The following EBF2 variants were observed in gnomAD, a reference collection of about 807,000 sequenced individuals.
The protein encoded by EBF2 is EBF transcription factor 2.
In EBF2, 21 loss-of-function variants were observed where a neutral mutation model predicts 72.8. The observed-to-expected ratio is 0.29, with a 90% confidence interval of 0.20 to 0.42. The LOEUF (loss-of-function observed/expected upper bound fraction) is 0.42. Ranked by LOEUF, EBF2 falls within the 10% of genes least tolerant of loss-of-function variation. EBF2 has a pLI of 1.00. For missense variants in EBF2, 637 were observed against 731.2 expected (o/e 0.87, Z 1.49); for synonymous variants, 299 against 274.2 (o/e 1.09, Z -0.89).
intron 7 of EBF2, 86 bp from the exon 8 acceptor site, chr8:25,889,955 C>T: frequency 8.8e-7 from 1 of 1,139,798 alleles, no homozygotes; most frequent in Non-Finnish European, 1.3e-6. Flanking sequence ...TTCTGTTTTG[C>T]CACACTTCCA....
chr8:25,896,921 G>C (rs1325789890), intron 7 of EBF2, among the ~76,000 whole-genome samples: 1 of 152,142 alleles, frequency 6.6e-6, no homozygotes, highest in Non-Finnish European at 1.5e-5. Flanking sequence ...CCAGATTTAA[G>C]GCCCAGATTC....
intron 5 of EBF2, among the ~76,000 whole-genome samples, chr8:26,038,282 G>A (rs758999561): frequency 4.6e-5 from 7 of 152,162 alleles, no homozygotes; most frequent in Non-Finnish European, 7.3e-5. Context: ...AAACAGCAGA[G>A]CATCTTCCCA....
At chr8:25,932,340 C>T (rs975647091) in intron 6 of EBF2, among the ~76,000 whole-genome samples, 1 of 149,900 alleles carries the variant, frequency 6.7e-6, no homozygotes, top group Non-Finnish European at 1.5e-5. Context: ...TGATGCAATT[C>T]AGCAACTCTC....
intron 7 of EBF2, among the ~76,000 whole-genome samples, chr8:25,895,243 T>C (rs777057418): frequency 2.1e-4 from 32 of 152,330 alleles, no homozygotes; most frequent in Non-Finnish European, 4.0e-4. Flanking sequence ...CAACAACCAA[T>C]TTATTTAGGA....
At chr8:25,906,383 T>C (rs1048934657) in intron 7 of EBF2, among the ~76,000 whole-genome samples, 28 of 152,338 alleles carry the variant, frequency 1.8e-4, no homozygotes, top group African/African-American at 6.7e-4. Context: ...ACATTTTTAT[T>C]TGGAATATTG....
At chr8:25,851,699 T>C (rs375270383) in intron 14 of EBF2, among the ~76,000 whole-genome samples, 2 of 152,144 alleles carry the variant, frequency 1.3e-5, no homozygotes, top group African/African-American at 4.8e-5. Context: ...CCAAGTCACA[T>C]GACTTGACAA....
chr8:25,884,836 A>G (rs541292874), intron 10 of EBF2, among the ~76,000 whole-genome samples: 1 of 152,270 alleles, frequency 6.6e-6, no homozygotes, highest in Admixed American at 6.5e-5. Flanking sequence ...GAATAAATAG[A>G]CCCAAAAATT....
intron 7 of EBF2, among the ~76,000 whole-genome samples, chr8:25,896,738 G>A (rs1802869044): frequency 6.6e-6 from 1 of 152,196 alleles, no homozygotes; most frequent in South Asian, 2.1e-4. Flanking sequence ...ATTGCAAGGA[G>A]AAATACACGT....
At chr8:25,951,083 T>A (rs1034723586) in intron 6 of EBF2, among the ~76,000 whole-genome samples, 1 of 152,216 alleles carries the variant, frequency 6.6e-6, no homozygotes, top group South Asian at 2.1e-4. Context: ...TCCTTCTGAT[T>A]TGAAAATTAT....
At chr8:26,007,465 T>A (rs1804900811) in intron 6 of EBF2, among the ~76,000 whole-genome samples, 1 of 150,160 alleles carries the variant, frequency 6.7e-6, no homozygotes, top group African/African-American at 2.5e-5. Flanking sequence ...TTCATTTGAG[T>A]TTTTTTTTAA....
At chr8:25,919,710 C>T (rs770030681) in intron 6 of EBF2, among the ~76,000 whole-genome samples, 4 of 152,192 alleles carry the variant, frequency 2.6e-5, no homozygotes, top group Non-Finnish European at 5.9e-5. Flanking sequence ...ACCTCGGAGG[C>T]TGTTGGCCAA....
At chr8:26,021,170 C>T (rs781397567) in intron 6 of EBF2, among the ~76,000 whole-genome samples, 2 of 151,964 alleles carry the variant, frequency 1.3e-5, no homozygotes, top group African/African-American at 4.8e-5. Context: ...TCTAGACAGA[C>T]CATGAGACCA....
In EBF2 at chr8:25,909,954, T is replaced by C. The variant is rs892042214; in HGVS notation, c.552-1399A>G. On this transcript the variant is annotated intron_variant, in intron 6 of 15. Coordinates refer to ENST00000520164, the MANE Select transcript of EBF2 (RefSeq NM_022659.4). ...TTATAACATCTGCTTTTCACTTCTC[T>C]CTTTCAATCTTTTATAGGGTGGGTG... Among the ~76,000 whole-genome samples, 68 of 152,282 alleles carry C rather than the reference T, an allele frequency of 4.5e-4. No individual in the cohort carries two copies. In the Middle Eastern group the frequency reaches 0.01, roughly 23 times the overall value.
At position 25,858,357 on chromosome 8, in the gene EBF2, C is replaced by G. The variant is rs267601872; in HGVS notation, c.1490G>C (p.Gly497Ala). Reference protein sequence around the residue: ...MANLGVPGSPGFLNGSPTGSP... With the variant: ...MANLGVPGSPAFLNGSPTGSP... ...GCCGGTGGGTGAGCCATTTAGAAAT[C>G]CTGGTGAACCTGGAACACCCAAGTT... Residue 497 changes from glycine (G) to alanine (A), a missense_variant, in exon 14 of 16, where the codon GGA (glycine) becomes GCA (alanine). Transcript: ENST00000520164. 6.2e-7 allele frequency: 1 copy of G among 1,614,014 alleles called. No individual in the cohort carries two copies. The highest frequency in any genetic ancestry group is 1.1e-5 in the South Asian group (1 of 91,084).
intron 3 of EBF2, 49 bp from the exon 4 acceptor site, chr8:26,040,720 G>T: frequency 6.5e-7 from 1 of 1,547,202 alleles, no homozygotes; most frequent in Non-Finnish European, 8.7e-7. Flanking sequence ...GCCCCTTCCG[G>T]GCACCCCAAA....
chr8:26,037,176 G>A (rs1805516958), intron 5 of EBF2, among the ~76,000 whole-genome samples: 1 of 152,150 alleles, frequency 6.6e-6, no homozygotes, highest in East Asian at 1.9e-4. Context: ...AAACAAGTTG[G>A]AAGTGGGAGG....
intron 7 of EBF2, among the ~76,000 whole-genome samples, chr8:25,904,627 G>A (rs757475644): frequency 2.0e-5 from 3 of 152,170 alleles, no homozygotes; most frequent in Non-Finnish European, 2.9e-5. Flanking sequence ...TTGTCCTTCT[G>A]AGTGAGATAC....
intron 8 of EBF2, 56 bp downstream of exon 8, chr8:25,889,696 A>C: frequency 7.2e-7 from 1 of 1,396,012 alleles, no homozygotes; most frequent in Admixed American, 1.7e-5. Flanking sequence ...AAGTTCGAAC[A>C]AGGAAATTCG....
At chr8:25,967,654 A>G (rs915172324) in intron 6 of EBF2, among the ~76,000 whole-genome samples, 2 of 152,222 alleles carry the variant, frequency 1.3e-5, no homozygotes. Flanking sequence ...AAAAGATCAT[A>G]AATCTATGTG....
Sources: allele counts gnomAD v4.1 joint callset (sites outside exome capture counted in the v4.1 genomes callset), GRCh38; gene constraint gnomAD v4.1.1; transcripts MANE v1.5; gene names NCBI Gene and HGNC (gene_info 2026-07-23, HGNC 2026-07-21).